Variants in IL1RAPL1 observed in about 807,000 individuals in gnomAD.
IL1RAPL1 encodes the protein interleukin-1 receptor accessory protein-like 1.
A neutral mutation model predicts 48.4 loss-of-function variants in IL1RAPL1; 3 were observed. That is an observed-to-expected ratio of 0.06 (90% CI 0.03 to 0.16). IL1RAPL1 has a LOEUF of 0.16. IL1RAPL1 is among the 10% of genes least tolerant of loss of function. The pLI, the probability that IL1RAPL1 is intolerant of heterozygous loss-of-function variation, is 1.00. For synonymous variants in IL1RAPL1, 185 were observed against 187.7 expected, an observed-to-expected ratio of 0.99 and a Z score of 0.12; for missense variants, 349 against 530.6, an observed-to-expected ratio of 0.66 and a Z score of 3.36.
chrX:29,139,924 G>C (rs1443801753), intron 2 of IL1RAPL1, among the ~76,000 whole-genome samples: 1 of 111,378 alleles, frequency 9.0e-6, no homozygotes, highest in East Asian at 2.8e-4. Flanking sequence ...AGTCAATTTT[G>C]TGTTGCTATA....
intron 6 of IL1RAPL1, among the ~76,000 whole-genome samples, chrX:29,687,353 C>T (rs1262915752): frequency 8.9e-6 from 1 of 112,088 alleles, no homozygotes; most frequent in Non-Finnish European, 1.9e-5. Flanking sequence ...TTTGCAGCAA[C>T]ATAAATGAAC....
At chrX:29,784,289 C>T (rs1212484898) in intron 6 of IL1RAPL1, among the ~76,000 whole-genome samples, 2 of 111,092 alleles carry the variant, frequency 1.8e-5, no homozygotes, top group Non-Finnish European at 3.8e-5. Flanking sequence ...TGACTAAGTA[C>T]CCTATGTGTT....
chrX:29,222,423 C>T (rs1307379687), intron 2 of IL1RAPL1, among the ~76,000 whole-genome samples: 1 of 111,640 alleles, frequency 9.0e-6, no homozygotes, highest in Non-Finnish European at 1.9e-5. Flanking sequence ...ATTTTATTAC[C>T]TGCTCCCAAG....
rs1228333162 is a variant in IL1RAPL1, at chrX:29,006,643, A to ATG, written c.82+217219_82+217220insGT. 3.6e-3 allele frequency among the ~76,000 whole-genome samples: 305 copies of ATG among 85,627 alleles called. 1 individual carries two copies. The highest frequency in any genetic ancestry group is 0.013 in the South Asian group (19 of 1,484). 74.4% of individuals were successfully genotyped at this position (85,627 alleles called of 115,157 possible). On this transcript the variant is annotated intron_variant, in intron 2 of 10. Transcript: ENST00000378993. ...CTTGCCCACATTTGTGTGTGTTTAT[A>ATG]TATATGTGTGTGTGTGTGTGTGTGT...
intron 1 of IL1RAPL1, among the ~76,000 whole-genome samples, chrX:28,755,487 G>A (rs757941101): frequency 8.9e-6 from 1 of 112,351 alleles, no homozygotes; most frequent in African/African-American, 3.2e-5. Context: ...ACCTTGGATA[G>A]TGCAGATAGA....
chrX:29,148,621 T>G (rs368470850), intron 2 of IL1RAPL1, among the ~76,000 whole-genome samples: 1 of 112,105 alleles, frequency 8.9e-6, no homozygotes, highest in East Asian at 2.8e-4. Context: ...ACTTTTACTC[T>G]CTTAGCAAGA....
At position 29,389,217 on chromosome X, in the gene IL1RAPL1, G is replaced by A. The variant is rs746632932; in HGVS notation, c.363-7041G>A. Among the ~76,000 whole-genome samples, 13 of 108,821 alleles carry A rather than the reference G, an allele frequency of 1.2e-4. No homozygotes were observed. In the East Asian group the frequency reaches 2.9e-3, roughly 24 times the overall value. 94.5% of individuals were successfully genotyped at this position (108,821 alleles called of 115,157 possible). Reference sequence around the variant, plus strand: ...TAAAAATACAAAAAATTAGCCGGGCGTGGTGGCGGGCGCCTATAGTCCCAG... The same window carrying A: ...TAAAAATACAAAAAATTAGCCGGGCATGGTGGCGGGCGCCTATAGTCCCAG... On this transcript the variant is annotated intron_variant, in intron 3 of 10. Coordinates refer to ENST00000378993, the MANE Select transcript of IL1RAPL1 (RefSeq NM_014271.4).
At chrX:28,873,811 A>ATG (rs1453049437) in intron 2 of IL1RAPL1, among the ~76,000 whole-genome samples, 1,502 of 109,464 alleles carry the variant, frequency 0.014, 19 homozygotes, top group Non-Finnish European at 0.019. Flanking sequence ...GATTACAAGC[A>ATG]TGAGCCACCG....
chrX:28,593,329 A>C (rs767286459), intron 1 of IL1RAPL1, among the ~76,000 whole-genome samples: 1 of 111,743 alleles, frequency 8.9e-6, no homozygotes, highest in African/African-American at 3.3e-5. Flanking sequence ...CAGGCACTGA[A>C]CTGTGAATAA....
At chrX:28,628,024 TG>T (rs1934359649) in intron 1 of IL1RAPL1, among the ~76,000 whole-genome samples, 1 of 111,653 alleles carries the variant, frequency 9.0e-6, no homozygotes, top group Non-Finnish European at 1.9e-5. Context: ...TGATTTGGGC[TG>T]GGCTAAACTG....
At chrX:28,972,704 C>A (rs530819678) in intron 2 of IL1RAPL1, among the ~76,000 whole-genome samples, 15 of 111,161 alleles carry the variant, frequency 1.3e-4, no homozygotes, top group East Asian at 5.7e-4. Flanking sequence ...GTGCCACTGC[C>A]CTCCAGCCTG....
chrX:29,555,852 A>T lies in IL1RAPL1; in HGVS notation c.704-112578A>T, dbSNP rs186653736. On this transcript the variant is annotated intron_variant, in intron 5 of 10. Transcript: ENST00000378993. Reference sequence around the variant, plus strand: ...TTAGGAAAGGAAAAGAACACTGGGGAGGGGGGAAACAAAATTAACTTGGCC... The same window carrying T: ...TTAGGAAAGGAAAAGAACACTGGGGTGGGGGGAAACAAAATTAACTTGGCC... Among the ~76,000 whole-genome samples the T allele has an allele frequency of 9.8e-5, 11 of 112,002 alleles. No individual in the cohort carries two copies. In the Admixed American group the frequency reaches 1.0e-3, roughly 11 times the overall value.
At chrX:29,701,527 G>C (rs1347554259) in intron 6 of IL1RAPL1, among the ~76,000 whole-genome samples, 1 of 111,946 alleles carries the variant, frequency 8.9e-6, no homozygotes, top group African/African-American at 3.2e-5. Flanking sequence ...TGAATAGCTG[G>C]GAGGAAGCTT....
At chrX:29,511,647 A>T (rs976847393) in intron 5 of IL1RAPL1, among the ~76,000 whole-genome samples, 99 of 112,013 alleles carry the variant, frequency 8.8e-4, no homozygotes, top group Non-Finnish European at 3.0e-4. Flanking sequence ...GTATGCTATT[A>T]GGCCTATGAG....
At position 29,918,145 on chromosome X, in the gene IL1RAPL1, ATATATAT is replaced by A. The variant is rs1277394813; in HGVS notation, c.911+550_911+556del. On this transcript the variant is annotated intron_variant, in intron 7 of 10. Coordinates refer to ENST00000378993, the MANE Select transcript of IL1RAPL1 (RefSeq NM_014271.4). ...CTCCAAAAAAAAAAAAAAAAAAAAA[ATATATAT>A]ATATATATATATATATATAGTGAGA... 6.5e-4 allele frequency among the ~76,000 whole-genome samples: 10 copies of A among 15,297 alleles called. 1 individual carries two copies. Among genetic ancestry groups the A allele is most frequent in the African/African-American group, 1.3e-3 (4 of 3,104 alleles). 13.3% of individuals were successfully genotyped at this position (15,297 alleles called of 115,157 possible).
intron 1 of IL1RAPL1, among the ~76,000 whole-genome samples, chrX:28,627,037 C>T (rs1277883722): frequency 8.9e-6 from 1 of 111,858 alleles, no homozygotes; most frequent in African/African-American, 3.2e-5. Flanking sequence ...TTGTGTCTTC[C>T]CAAATCAAAA....
chrX:28,873,496 T>C (rs1922265148), intron 2 of IL1RAPL1, among the ~76,000 whole-genome samples: 2 of 105,916 alleles, frequency 1.9e-5, no homozygotes, highest in Non-Finnish European at 3.9e-5. Flanking sequence ...AGCACATCTT[T>C]GTTCTCAATT....
intron 1 of IL1RAPL1, among the ~76,000 whole-genome samples, chrX:28,722,209 A>G (rs6630738): frequency 0.059 from 6,524 of 111,055 alleles, 388 homozygotes; most frequent in East Asian, 0.32. Context: ...TCATGATATT[A>G]ATTCTTCCTA....
chrX:29,533,352 G>T (rs189583950), intron 5 of IL1RAPL1, among the ~76,000 whole-genome samples: 36 of 111,964 alleles, frequency 3.2e-4, no homozygotes, highest in African/African-American at 1.1e-3. Context: ...TATATAAATG[G>T]AATCATATAC....
Sources: allele counts gnomAD v4.1 joint callset (sites outside exome capture counted in the v4.1 genomes callset), GRCh38; gene constraint gnomAD v4.1.1; transcripts MANE v1.5; gene names NCBI Gene and HGNC (gene_info 2026-07-23, HGNC 2026-07-21).